The following CTNND2 variants were observed in gnomAD, a reference collection of about 807,000 sequenced individuals.
CTNND2 encodes catenin delta 2.
A neutral mutation model predicts 144.4 loss-of-function variants in CTNND2; 22 were observed. The ratio of observed to expected loss-of-function variants is 0.15; its 90% CI spans 0.11 to 0.22. CTNND2 has a LOEUF of 0.22. Ranked by LOEUF, CTNND2 falls within the 10% of genes least tolerant of loss-of-function variation. The probability of loss-of-function intolerance (pLI) is 1.00; values close to 1 mark genes in which losing one functional copy is unlikely to be tolerated. For missense variants in CTNND2, 1,353 were observed against 1,618.8 expected (o/e 0.84, Z 2.82); for synonymous variants, 751 against 695.6 (o/e 1.08, Z -1.25).
At position 11,845,937 on chromosome 5, in the gene CTNND2, C is replaced by T. The variant is rs545680041; in HGVS notation, c.37+57880G>A. ...ATCAAGACATCTAAAATGTAACCCCCGTGAGAAAGAGAAACTTTGATTTGT... is the reference window on the plus strand; with the variant it reads ...ATCAAGACATCTAAAATGTAACCCCTGTGAGAAAGAGAAACTTTGATTTGT... On this transcript the variant is annotated intron_variant, in intron 1 of 21. Transcript: ENST00000304623. Among the ~76,000 whole-genome samples the T allele has an allele frequency of 2.0e-5, 3 of 152,210 alleles. No individual in the cohort carries two copies. In the South Asian group the frequency reaches 6.2e-4, roughly 32 times the overall value.
In CTNND2 at chr5:11,415,117, C is replaced by T. The variant is rs376394428; in HGVS notation, c.288-3048G>A. Among the ~76,000 whole-genome samples, 77 of 152,234 alleles carry T rather than the reference C, an allele frequency of 5.1e-4. 1 individual carries two copies. Among genetic ancestry groups the T allele is most frequent in the Non-Finnish European group, 8.4e-4 (57 of 68,008 alleles). On this transcript the variant is annotated intron_variant, in intron 3 of 21. Transcript: ENST00000304623. ...TCATATTCCTCTGTAATGGGATTGT[C>T]GGGTTGAATAGCAGTTCTGCTTTTA...
intron 2 of CTNND2, among the ~76,000 whole-genome samples, chr5:11,575,680 C>T (rs1231921506): frequency 6.6e-6 from 1 of 152,138 alleles, no homozygotes; most frequent in Non-Finnish European, 1.5e-5. Context: ...ATCATGTACT[C>T]GACTTGACCT....
chr5:11,722,922 T>C (rs1026736258), intron 2 of CTNND2, among the ~76,000 whole-genome samples: 1 of 152,110 alleles, frequency 6.6e-6, no homozygotes, highest in African/African-American at 2.4e-5. Context: ...TACTTCAAAA[T>C]CTGTAATGAT....
intron 3 of CTNND2, among the ~76,000 whole-genome samples, chr5:11,419,131 G>A (rs1302710525): frequency 1.3e-5 from 2 of 151,628 alleles, no homozygotes; most frequent in African/African-American, 2.4e-5. Flanking sequence ...TGGTGGTGGT[G>A]GCTCTACAGG....
intron 16 of CTNND2, among the ~76,000 whole-genome samples, chr5:11,035,653 A>G (rs1743992400): frequency 6.6e-6 from 1 of 152,258 alleles, no homozygotes; most frequent in Non-Finnish European, 1.5e-5. Context: ...CAATAGTTGT[A>G]AAATAATATG....
intron 4 of CTNND2, 23 bp downstream of exon 4, chr5:11,412,012 T>C (rs1299500121): frequency 6.3e-7 from 1 of 1,592,972 alleles, no homozygotes; most frequent in East Asian, 2.2e-5. Context: ...AGTGTAAGTG[T>C]TCATCAATAA....
At chr5:11,240,549 A>AC (rs1375003785) in intron 9 of CTNND2, among the ~76,000 whole-genome samples, 1 of 104,822 alleles carries the variant, frequency 9.5e-6, no homozygotes, top group Non-Finnish European at 1.8e-5. Context: ...ACACACACCC[A>AC]ACACACACAC....
chr5:11,195,741 G>T (rs1028223427), intron 11 of CTNND2, among the ~76,000 whole-genome samples: 1 of 152,166 alleles, frequency 6.6e-6, no homozygotes, highest in Non-Finnish European at 1.5e-5. Flanking sequence ...GAAATCTTTA[G>T]TTGGGCATAC....
At chr5:11,381,130 A>G (rs1362936500) in intron 7 of CTNND2, among the ~76,000 whole-genome samples, 2 of 152,134 alleles carry the variant, frequency 1.3e-5, no homozygotes, top group Non-Finnish European at 2.9e-5. Context: ...TTATATATAC[A>G]TCAAGAACTA....
intron 1 of CTNND2, among the ~76,000 whole-genome samples, chr5:11,790,537 C>A (rs1220464814): frequency 6.6e-6 from 1 of 152,098 alleles, no homozygotes; most frequent in Non-Finnish European, 1.5e-5. Flanking sequence ...AGGTAATGCT[C>A]ACAGTGTACC....
At chr5:11,418,195 T>C (rs571046454) in intron 3 of CTNND2, among the ~76,000 whole-genome samples, 5 of 151,882 alleles carry the variant, frequency 3.3e-5, no homozygotes, top group African/African-American at 9.7e-5. Context: ...TCACCTGAGG[T>C]TGGGAGTTCG....
intron 1 of CTNND2, among the ~76,000 whole-genome samples, chr5:11,879,315 C>G (rs1175960423): frequency 3.7e-5 from 3 of 80,004 alleles, no homozygotes; most frequent in Non-Finnish European, 8.6e-5. Flanking sequence ...ATCAGAATTT[C>G]AAGTGTATTA....
At chr5:11,679,690 TAA>T (rs1334534518) in intron 2 of CTNND2, among the ~76,000 whole-genome samples, 7 of 152,322 alleles carry the variant, frequency 4.6e-5, no homozygotes, top group African/African-American at 1.4e-4. Flanking sequence ...CCAAATATGT[TAA>T]AGTCTCTACC....
intron 3 of CTNND2, among the ~76,000 whole-genome samples, chr5:11,498,895 G>A (rs561584082): frequency 6.6e-6 from 1 of 152,256 alleles, no homozygotes; most frequent in East Asian, 1.9e-4. Flanking sequence ...AGTGGCTCAA[G>A]CAGTCTAAGA....
At chr5:11,509,003 T>C (rs1019757340) in intron 3 of CTNND2, among the ~76,000 whole-genome samples, 1 of 152,186 alleles carries the variant, frequency 6.6e-6, no homozygotes, top group Non-Finnish European at 1.5e-5. Context: ...AGAGAATAAG[T>C]AGACTTACAA....
In CTNND2 at chr5:11,208,203, A is replaced by G. The variant is rs939921292; in HGVS notation, c.1762-8542T>C. Among the ~76,000 whole-genome samples, 28 of 152,332 alleles carry G rather than the reference A, an allele frequency of 1.8e-4. No individual in the cohort carries two copies. In the East Asian group the frequency reaches 2.7e-3, roughly 15 times the overall value. ...AAACGACATGTATTTACTGAAATAC[A>G]TAAAAGCAGATGTGAATAAAGGTAA... On this transcript the variant is annotated intron_variant, in intron 10 of 21. Coordinates refer to ENST00000304623, the MANE Select transcript of CTNND2 (RefSeq NM_001332.4).
chr5:11,053,234 G>A (rs1310816974), intron 16 of CTNND2, among the ~76,000 whole-genome samples: 2 of 152,118 alleles, frequency 1.3e-5, no homozygotes, highest in Non-Finnish European at 2.9e-5. Context: ...TGATGTTTTT[G>A]TATGCAGAGG....
chr5:11,474,367 A>G (rs1767521705), intron 3 of CTNND2, among the ~76,000 whole-genome samples: 1 of 152,220 alleles, frequency 6.6e-6, no homozygotes, highest in Non-Finnish European at 1.5e-5. Context: ...GGCAACAGAA[A>G]AGCACTTAAA....
chr5:11,855,785 T>C (rs1170032202), intron 1 of CTNND2, among the ~76,000 whole-genome samples: 4 of 152,266 alleles, frequency 2.6e-5, no homozygotes, highest in Admixed American at 2.6e-4. Flanking sequence ...ACCATAGACC[T>C]AATAAATCAG....
Sources: allele counts gnomAD v4.1 joint callset (sites outside exome capture counted in the v4.1 genomes callset), GRCh38; gene constraint gnomAD v4.1.1; transcripts MANE v1.5; gene names NCBI Gene and HGNC (gene_info 2026-07-23, HGNC 2026-07-21).